ITGBL1: variants seen among roughly 807,000 people sequenced by gnomAD.
The protein encoded by ITGBL1 is integrin beta-like protein 1.
Under a neutral mutation model 68.5 loss-of-function variants are expected in ITGBL1, and 51 were observed. The observed-to-expected ratio is 0.74, with a 90% CI of 0.59 to 0.94. ITGBL1 has a LOEUF of 0.94. Ranked by LOEUF, ITGBL1 falls within the 40% of genes least tolerant of loss-of-function variation. The pLI is 0.00. For missense variants in ITGBL1, 649 were observed against 647.4 expected, an observed-to-expected ratio of 1.00 and a Z score of -0.03; for synonymous variants, 209 against 227.3, an observed-to-expected ratio of 0.92 and a Z score of 0.72.
In ITGBL1 at chr13:101,696,845, G is replaced by A. The variant is rs1359502925; in HGVS notation, c.1132+4144G>A. Among the ~76,000 whole-genome samples the A allele has an allele frequency of 2.0e-5, 3 of 152,002 alleles. No homozygotes were observed. The East Asian group carries it at 5.8e-4, about 29-fold the overall frequency. On this transcript the variant is annotated intron_variant, in intron 8 of 10. Coordinates refer to ENST00000376180, the MANE Select transcript of ITGBL1 (RefSeq NM_004791.3). The stretch of plus-strand genomic sequence containing the variant: ...TAAAGGATTCACAATTAAGGAGAAT[G>A]AGAAAGGAAGAACTATTCCAGTTTT...
intron 2 of ITGBL1, among the ~76,000 whole-genome samples, chr13:101,455,067 C>T (rs1194744984): frequency 6.6e-6 from 1 of 152,180 alleles, no homozygotes; most frequent in African/African-American, 2.4e-5. Flanking sequence ...TGACACAGAA[C>T]TCCATTAGTG....
chr13:101,650,498 T>C (rs1384968153), intron 7 of ITGBL1, among the ~76,000 whole-genome samples: 1 of 152,196 alleles, frequency 6.6e-6, no homozygotes, highest in Non-Finnish European at 1.5e-5. Context: ...TTACTTTTCT[T>C]TAGCATTTGT....
intron 2 of ITGBL1, among the ~76,000 whole-genome samples, chr13:101,470,162 T>C (rs538743579): frequency 5.3e-5 from 8 of 152,288 alleles, no homozygotes; most frequent in African/African-American, 1.9e-4. Context: ...ATTTGTTTTC[T>C]TACAGTTGAC....
chr13:101,476,614 C>G, intron 2 of ITGBL1, among the ~76,000 whole-genome samples: 1 of 151,968 alleles, frequency 6.6e-6, no homozygotes, highest in Non-Finnish European at 1.5e-5. Flanking sequence ...TAACACACTT[C>G]ATCTGTAAGA....
intron 6 of ITGBL1, among the ~76,000 whole-genome samples, chr13:101,590,624 A>G (rs1030941283): frequency 7.2e-5 from 11 of 152,118 alleles, no homozygotes; most frequent in African/African-American, 2.7e-4. Flanking sequence ...TCAACAAGCA[A>G]TGTTATTGTT....
At chr13:101,719,657 C>G (rs1376062915), downstream of ITGBL1, 1 of 152,048 alleles carries the variant, frequency 6.6e-6, no homozygotes, top group Non-Finnish European at 1.5e-5. Flanking sequence ...CAATCAGCTA[C>G]TATAACAAAT....
At chr13:101,524,627 T>C (rs994918887) in intron 2 of ITGBL1, among the ~76,000 whole-genome samples, 2 of 149,566 alleles carry the variant, frequency 1.3e-5, no homozygotes, top group South Asian at 2.1e-4. Flanking sequence ...TAGTGAGAGA[T>C]AGATTGTAAA....
intron 7 of ITGBL1, among the ~76,000 whole-genome samples, chr13:101,627,216 C>T (rs754771253): frequency 3.9e-5 from 6 of 151,914 alleles, no homozygotes; most frequent in Admixed American, 6.6e-5. Context: ...ATATTTCTTA[C>T]AAGTTTTTTT....
At position 101,583,309 on chromosome 13, in the gene ITGBL1, G is replaced by A. The variant is rs750974072; in HGVS notation, c.821G>A (p.Arg274Lys). 51 of 1,612,652 alleles carry A rather than the reference G, an allele frequency of 3.2e-5. No homozygotes were observed. Among genetic ancestry groups the A allele is most frequent in the Non-Finnish European group, 4.2e-5 (49 of 1,179,492 alleles). The change falls in exon 6 of 11, where the codon AGG (arginine) becomes AAG (lysine). Residue 274 changes from arginine (R) to lysine (K), a missense_variant. Transcript: ENST00000376180. ...GGGGACACCTGTGAATGTGATGAGAGGGACTGTAGAGCTGTCTATGACCGA... is the reference window on the plus strand; with the variant it reads ...GGGGACACCTGTGAATGTGATGAGAAGGACTGTAGAGCTGTCTATGACCGA... ...IHGDTCECDE[R>K]DCRAVYDRYS... is the part of the protein sequence containing the mutation.
At chr13:101,592,500 A>T (rs2050671832) in intron 6 of ITGBL1, among the ~76,000 whole-genome samples, 1 of 152,128 alleles carries the variant, frequency 6.6e-6, no homozygotes, top group Non-Finnish European at 1.5e-5. Flanking sequence ...TGATGAGAGA[A>T]ATTGAAGACA....
intron 7 of ITGBL1, among the ~76,000 whole-genome samples, chr13:101,625,111 G>C (rs2031725507): frequency 6.6e-6 from 1 of 152,128 alleles, no homozygotes. Context: ...TGCAACTCTT[G>C]AAATTACCTT....
chr13:101,706,922 C>T lies in ITGBL1; in HGVS notation c.1279+20C>T. On this transcript the variant is annotated intron_variant, in intron 9 of 10. Transcript: ENST00000376180. ...GGAAGGGTGAGTATCTCTGCTGGTGCCTGGACTCCATTCCTGTTCTGACAC... is the reference window on the plus strand; with the variant it reads ...GGAAGGGTGAGTATCTCTGCTGGTGTCTGGACTCCATTCCTGTTCTGACAC... 1 of 1,608,880 alleles carries T rather than the reference C, an allele frequency of 6.2e-7. No individual in the cohort carries two copies. Among genetic ancestry groups the T allele is most frequent in the Admixed American group, 1.7e-5 (1 of 59,824 alleles).
At chr13:101,605,816 A>C (rs562759897) in intron 7 of ITGBL1, among the ~76,000 whole-genome samples, 124 of 150,844 alleles carry the variant, frequency 8.2e-4, no homozygotes, top group Non-Finnish European at 1.7e-3. Flanking sequence ...GTAGACATGT[A>C]TGTGCATATG....
chr13:101,467,631 A>G lies in ITGBL1; in HGVS notation c.316+13531A>G, dbSNP rs1441022373. On this transcript the variant is annotated intron_variant, in intron 2 of 10. Coordinates refer to ENST00000376180, the MANE Select transcript of ITGBL1 (RefSeq NM_004791.3). ...ATCATCTTACTTAAGGCTGGGTAGAAGAATGAGGGCTTTATAAAGAGAAAA... is the reference window on the plus strand; with the variant it reads ...ATCATCTTACTTAAGGCTGGGTAGAGGAATGAGGGCTTTATAAAGAGAAAA... 2.6e-5 allele frequency among the ~76,000 whole-genome samples: 4 copies of G among 152,206 alleles called. No homozygotes were observed. The East Asian group carries it at 5.8e-4, about 22-fold the overall frequency.
Position 101,506,708 on chromosome 13 carries a change from G to T in ITGBL1, c.316+52608G>T, listed in dbSNP as rs2049032478. ...GAGATAAAATTTGCTTCAGCTTAAA[G>T]AATTCCTTCTATTATTTCCTGTGAC... On this transcript the variant is annotated intron_variant, in intron 2 of 10. Transcript: ENST00000376180. 1.3e-5 allele frequency among the ~76,000 whole-genome samples: 2 copies of T among 152,178 alleles called. 1 individual carries two copies. Among genetic ancestry groups the T allele is most frequent in the South Asian group, 4.1e-4 (2 of 4,830 alleles).
chr13:101,627,395 A>G (rs543725396), intron 7 of ITGBL1, among the ~76,000 whole-genome samples: 100 of 152,046 alleles, frequency 6.6e-4, no homozygotes, highest in Middle Eastern at 3.4e-3. Context: ...CTCCCCTGTC[A>G]TCATCCCCCA....
At chr13:101,628,058 A>C (rs1265340572) in intron 7 of ITGBL1, among the ~76,000 whole-genome samples, 1 of 127,940 alleles carries the variant, frequency 7.8e-6, no homozygotes, top group Non-Finnish European at 1.6e-5. Flanking sequence ...TTGCATTCCC[A>C]CCAGCAATGA....
intron 2 of ITGBL1, among the ~76,000 whole-genome samples, chr13:101,531,131 G>A (rs1398065349): frequency 6.6e-6 from 1 of 152,016 alleles, no homozygotes; most frequent in East Asian, 1.9e-4. Flanking sequence ...TGAAATGTGT[G>A]TACTATATAT....
intron 2 of ITGBL1, among the ~76,000 whole-genome samples, chr13:101,528,664 C>G (rs945353188): frequency 4.0e-5 from 6 of 151,824 alleles, no homozygotes; most frequent in Non-Finnish European, 8.8e-5. Context: ...TGTTTGTTCT[C>G]CACATACTGA....
Sources: gnomAD v4.1 joint callset for allele counts (sites outside exome capture counted in the v4.1 genomes callset) on GRCh38, gnomAD v4.1.1 for gene constraint, MANE v1.5 for transcripts, NCBI Gene and HGNC (gene_info 2026-07-23, HGNC 2026-07-21) for gene names.